The following SKOR1 variants were observed in gnomAD, a reference collection of about 807,000 sequenced individuals.
The protein encoded by SKOR1 is LBX1 corepressor 1.
In SKOR1, 38 loss-of-function variants were observed where a neutral mutation model predicts 72.4. That is an observed-to-expected ratio of 0.52 (90% CI 0.40 to 0.69). The LOEUF (loss-of-function observed/expected upper bound fraction) is 0.69. Among genes scored for constraint, SKOR1 ranks in the 30% least tolerant of loss-of-function variants. The probability of loss-of-function intolerance (pLI) is 0.00; values close to 1 mark genes in which losing one functional copy is unlikely to be tolerated. For missense variants in SKOR1, 1,320 were observed against 1,343.2 expected (o/e 0.98, Z 0.27); for synonymous variants, 642 against 599.4 (o/e 1.07, Z -1.04).
intron 4 of SKOR1, 135 bp from the exon 5 acceptor site, chr15:67,830,683 T>G (rs4776985): frequency 0.29 from 231,816 of 811,250 alleles, 40,540 homozygotes; most frequent in East Asian, 0.62. Flanking sequence ...AGTACTGGAT[T>G]CCTGTAACTG....
Position 67,826,567 on chromosome 15 carries a change from C to G in SKOR1, c.739C>G (p.Arg247Gly). The G allele has an allele frequency of 6.2e-7, 1 of 1,614,056 alleles. No individual in the cohort carries two copies. Among genetic ancestry groups the G allele is most frequent in the South Asian group, 1.1e-5 (1 of 91,088 alleles). ...PDAANFNSWR[R>G]HLKLSDKSAT... The stretch of plus-strand genomic sequence containing the variant: ...TGCCGCCAACTTCAACTCCTGGCGT[C>G]GTCACCTCAAACTCAGTGACAAGTC... The change falls in exon 2 of 9, where the codon CGT (arginine) becomes GGT (glycine). Residue 247 changes from arginine (R) to glycine (G), a missense_variant. Arg to Gly is a moderately radical substitution (Grantham distance 125). This residue lies in a region of SKOR1 where 101 missense variants were observed against 212.8 expected (regional missense o/e 0.47). Coordinates refer to ENST00000380035, the MANE Select transcript of SKOR1 (RefSeq NM_001365915.1).
At position 67,825,720 on chromosome 15, in the gene SKOR1, C is replaced by A; in HGVS notation, c.107+11C>A. On this transcript the variant is annotated intron_variant, in intron 1 of 8. Transcript: ENST00000380035. The surrounding 1 kb of genome is among the most constrained non-coding windows in gnomAD (Gnocchi z 5.6). ...CCGGGCATTCCTGAGGTCTCCTTTA[C>A]CCCTTCTCCTCCCCCAAGCCCCGGG... is the stretch of plus-strand genomic sequence containing the variant. The A allele has an allele frequency of 1.2e-6, 1 of 813,512 alleles. No homozygotes were observed. The highest frequency in any genetic ancestry group is 2.1e-6 in the Non-Finnish European group (1 of 472,226). 50.4% of individuals were successfully genotyped at this position (813,512 alleles called of 1,614,324 possible). A position where few individuals can be genotyped will look rare whatever the true frequency, so the allele number is the denominator to read the frequency against.
chr15:67,833,234 A>C lies in SKOR1; in HGVS notation c.2780A>C (p.Tyr927Ser), dbSNP rs1007183357. The change falls in exon 8 of 9, where the codon TAT (tyrosine) becomes TCT (serine). Residue 927 changes from tyrosine to serine, a missense_variant. Around this residue, in one of 3 missense-constraint regions of SKOR1, gnomAD observed 1,099 missense variants for 1,025.5 expected, o/e 1.07. Coordinates refer to ENST00000380035, the MANE Select transcript of SKOR1 (RefSeq NM_001365915.1). The surrounding 1 kb of genome is among the most constrained non-coding windows in gnomAD (Gnocchi z 6.0). The stretch of plus-strand genomic sequence containing the variant: ...CTCGACCAGGAGCGGAAGGCGCGCT[A>C]TGCCATCCAGCAGAAATTGAAAGGT... ...NELDQERKAR[Y>S]AIQQKLKEAH... 4.3e-6 allele frequency: 7 copies of C among 1,614,008 alleles called. No individual in the cohort carries two copies. Among genetic ancestry groups the C allele is most frequent in the Non-Finnish European group, 5.9e-6 (7 of 1,180,024 alleles).
rs762195467 is a variant in SKOR1, at chr15:67,826,392, G to A, written c.564G>A (p.Ala188=). 1.5e-5 allele frequency: 25 copies of A among 1,613,782 alleles called. No homozygotes were observed. The highest frequency in any genetic ancestry group is 2.0e-5 in the Non-Finnish European group (24 of 1,180,004). ...CCTTCGATGTGGTGCACGAGTGCGC[G>A]TGGGGCTCGCGTGGTAGCTTCATCC... ...NFAFDVVHEC[A]WGSRGSFIPA... Residue 188 remains alanine, a synonymous_variant, in exon 2 of 9, where the codon GCG becomes GCA. Coordinates refer to ENST00000380035, the MANE Select transcript of SKOR1 (RefSeq NM_001365915.1).
chr15:67,826,182 C>T lies in SKOR1; in HGVS notation c.354C>T (p.Asn118=). ...ACTACAGCTATAATGAGATCCACAA[C>T]CGCCGCGTGGCCCTGGGCATCACGT... ...LKNYSYNEIH[N]RRVALGITCV... is the part of the protein sequence containing the mutation. The change falls in exon 2 of 9, where the codon AAC becomes AAT. Residue 118 remains asparagine (N), a synonymous_variant. Coordinates refer to ENST00000380035, the MANE Select transcript of SKOR1 (RefSeq NM_001365915.1). 3 of 1,613,314 alleles carry T rather than the reference C, an allele frequency of 1.9e-6. No individual in the cohort carries two copies. Among genetic ancestry groups the T allele is most frequent in the South Asian group, 2.2e-5 (2 of 91,058 alleles).
rs1181380577 is a variant in SKOR1 at position 67,833,237 on chromosome 15, C to T, written c.2783C>T (p.Ala928Val). ...ELDQERKARY[A>V]IQQKLKEAHD... The stretch of plus-strand genomic sequence containing the variant: ...GACCAGGAGCGGAAGGCGCGCTATG[C>T]CATCCAGCAGAAATTGAAAGGTGCG... The change falls in exon 8 of 9, where the codon GCC becomes GTC. Residue 928 changes from alanine (A) to valine (V), a missense_variant. This residue lies in a region of SKOR1 where 1,099 missense variants were observed against 1,025.5 expected (regional missense o/e 1.07). Transcript: ENST00000380035. This position sits in a 1 kb window ranked among gnomAD's most constrained non-coding sequence, Gnocchi z 6.0. 6.2e-7 allele frequency: 1 copy of T among 1,614,062 alleles called. No individual in the cohort carries two copies. The highest frequency in any genetic ancestry group is 8.5e-7 in the Non-Finnish European group (1 of 1,180,008).
chr15:67,826,373 A>T lies in SKOR1; in HGVS notation c.545A>T (p.Asp182Val). The T allele has an allele frequency of 6.2e-7, 1 of 1,613,792 alleles. No homozygotes were observed. The change falls in exon 2 of 9, where the codon GAT becomes GTT. Residue 182 changes from aspartate to valine, a missense_variant. By Grantham distance (152) the Asp-to-Val change is radical. This residue lies in a region of SKOR1 where 101 missense variants were observed against 212.8 expected (regional missense o/e 0.47). Transcript: ENST00000380035. ...AAGCTGCCCGAGAACTTCGCCTTCG[A>T]TGTGGTGCACGAGTGCGCGTGGGGC... ...PPKLPENFAF[D>V]VVHECAWGSR...
chr15:67,833,792 C>T lies in SKOR1; in HGVS notation c.2854C>T (p.His952Tyr). ...CTCCTGCAAGATGCTGACGCCCCGC[C>T]ACTGCACTGGCAACTGCTCCTTCAA... The part of the protein sequence containing the change: ...HFSCKMLTPR[H>Y]CTGNCSFKPP... The change falls in exon 9 of 9, where the codon CAC (histidine) becomes TAC (tyrosine). Residue 952 changes from histidine (H) to tyrosine (Y), a missense_variant. This residue lies in a region of SKOR1 where 1,099 missense variants were observed against 1,025.5 expected (regional missense o/e 1.07). Coordinates refer to ENST00000380035, the MANE Select transcript of SKOR1 (RefSeq NM_001365915.1). The surrounding 1 kb of genome is among the most constrained non-coding windows in gnomAD (Gnocchi z 6.0). 3 of 1,613,122 alleles carry T rather than the reference C, an allele frequency of 1.9e-6. No homozygotes were observed. Among genetic ancestry groups the T allele is most frequent in the Non-Finnish European group, 2.5e-6 (3 of 1,180,038 alleles).
At position 67,832,510 on chromosome 15, in the gene SKOR1, A is replaced by ATCCC. The variant is rs957445202; in HGVS notation, c.2663-97_2663-96insTCCC. 15 of 1,243,468 alleles carry ATCCC rather than the reference A, an allele frequency of 1.2e-5. No homozygotes were observed. Among genetic ancestry groups the ATCCC allele is most frequent in the Middle Eastern group, 2.0e-4 (1 of 4,906 alleles). 77.0% of individuals were successfully genotyped at this position (1,243,468 alleles called of 1,614,324 possible). On this transcript the variant is annotated intron_variant, in intron 6 of 8. Coordinates refer to ENST00000380035, the MANE Select transcript of SKOR1 (RefSeq NM_001365915.1). This position sits in a 1 kb window ranked among gnomAD's most constrained non-coding sequence, Gnocchi z 4.5. ...GGCTGCAGGCGAATGGCTGGGTGGG[A>ATCCC]GTTGGGGGTAGGGGTGAAAGGGGGG...
intron 2 of SKOR1, among the ~76,000 whole-genome samples, chr15:67,828,511 C>T (rs931141418): frequency 6.6e-6 from 1 of 152,212 alleles, no homozygotes; most frequent in Admixed American, 6.5e-5. Flanking sequence ...AAAGCGCTCG[C>T]CCGGGTGGGC....
Position 67,833,061 on chromosome 15 carries a change from C to T in SKOR1, c.2738-131C>T. ...AGTCTGCAGTTAGGAGCTCCGGTACCCCCTCCCCCATCCCTGGAGTTGTTT... is the reference window on the plus strand; with the variant it reads ...AGTCTGCAGTTAGGAGCTCCGGTACTCCCTCCCCCATCCCTGGAGTTGTTT... On this transcript the variant is annotated intron_variant, in intron 7 of 8. Coordinates refer to ENST00000380035, the MANE Select transcript of SKOR1 (RefSeq NM_001365915.1). This position sits in a 1 kb window ranked among gnomAD's most constrained non-coding sequence, Gnocchi z 6.0. The T allele has an allele frequency of 2.2e-6, 2 of 899,306 alleles. No homozygotes were observed. Among genetic ancestry groups the T allele is most frequent in the Non-Finnish European group, 3.5e-6 (2 of 564,844 alleles). 55.7% of individuals were successfully genotyped at this position (899,306 alleles called of 1,614,324 possible).
rs751655066 is a variant in SKOR1, at chr15:67,826,539, C to G, written c.711C>G (p.Pro237=). The G allele has an allele frequency of 6.8e-6, 11 of 1,613,840 alleles. No homozygotes were observed. Among genetic ancestry groups the G allele is most frequent in the African/African-American group, 2.7e-5 (2 of 74,948 alleles). The change falls in exon 2 of 9, where the codon CCC becomes CCG. Residue 237 remains proline (P), a synonymous_variant. Coordinates refer to ENST00000380035, the MANE Select transcript of SKOR1 (RefSeq NM_001365915.1). The stretch of plus-strand genomic sequence containing the variant: ...CACCCGACGCCAAGTACACGCAGCC[C>G]GATGCCGCCAACTTCAACTCCTGGC... ...HRTPDAKYTQ[P]DAANFNSWRR...
Position 67,826,740 on chromosome 15 carries a change from C to A in SKOR1, c.912C>A (p.Gly304=), listed in dbSNP as rs540825725. The A allele has an allele frequency of 3.3e-6, 5 of 1,536,640 alleles. No homozygotes were observed. The highest frequency in any genetic ancestry group is 3.5e-6 in the Non-Finnish European group (4 of 1,145,736). The change falls in exon 2 of 9, where the codon GGC becomes GGA. Residue 304 remains glycine, a synonymous_variant. Transcript: ENST00000380035. ...GGCAGGGGAAGGGTGGTGCTGGCGG[C>A]GGTGGCGGCGGTGGCCCAGGGTGCG... ...SGGQGKGGAG[G]GGGGGPGCGA... is the part of the protein sequence containing the mutation.
rs1407765894 is a variant in SKOR1 at position 67,830,258 on chromosome 15, A to T, written c.2475A>T (p.Gln825His). 6.2e-7 allele frequency: 1 copy of T among 1,614,016 alleles called. No homozygotes were observed. Among genetic ancestry groups the T allele is most frequent in the African/African-American group, 1.3e-5 (1 of 74,920 alleles). The change falls in exon 4 of 9, where the codon CAA becomes CAT. Residue 825 changes from glutamine to histidine, a missense_variant. Coordinates refer to ENST00000380035, the MANE Select transcript of SKOR1 (RefSeq NM_001365915.1). ...DLETRKSYPD[Q>H]RSISQPSPAN... ...AAACGAGGAAATCCTATCCAGACCA[A>T]AGGAGTATCTCCCAGCCAAGTCCTG...
chr15:67,826,985 A>C lies in SKOR1; in HGVS notation c.1157A>C (p.Gln386Pro). Residue 386 changes from glutamine to proline, a missense_variant, in exon 2 of 9, where the codon CAA becomes CCA. By Grantham distance (76) the Gln-to-Pro change is moderately conservative. Transcript: ENST00000380035. The stretch of plus-strand genomic sequence containing the variant: ...CCCAGCAAAGGCTTTGGGCTCCTGC[A>C]AAAGCTGCCCCCACCACTTTTCCCC... Reference protein sequence around the residue: ...PVPSKGFGLLQKLPPPLFPHP... With the variant: ...PVPSKGFGLLPKLPPPLFPHP... 6.3e-7 allele frequency: 1 copy of C among 1,596,178 alleles called. No homozygotes were observed. Among genetic ancestry groups the C allele is most frequent in the East Asian group, 2.2e-5 (1 of 44,676 alleles).
chr15:67,833,859 C>T lies in SKOR1; in HGVS notation c.*23C>T. On this transcript the variant is annotated 3_prime_UTR_variant, in exon 9 of 9. Coordinates refer to ENST00000380035, the MANE Select transcript of SKOR1 (RefSeq NM_001365915.1). This position sits in a 1 kb window ranked among gnomAD's most constrained non-coding sequence, Gnocchi z 6.0. The stretch of plus-strand genomic sequence containing the variant: ...TAGGGCCGGCCTGGCCGCACCCCTG[C>T]GCCCTCAAGCCATGCTGCTCCTTGT... The T allele has an allele frequency of 6.2e-7, 1 of 1,600,186 alleles. No individual in the cohort carries two copies. The highest frequency in any genetic ancestry group is 8.5e-7 in the Non-Finnish European group (1 of 1,175,734).
chr15:67,828,000 G>A lies in SKOR1; in HGVS notation c.2172G>A (p.Gly724=), dbSNP rs1436526731. 2.6e-6 allele frequency: 4 copies of A among 1,539,184 alleles called. No homozygotes were observed. Among genetic ancestry groups the A allele is most frequent in the African/African-American group, 1.4e-5 (1 of 72,408 alleles). The stretch of plus-strand genomic sequence containing the variant: ...GCCCCCGCCCCCGGCGCCGCCTCGG[G>A]CCACCCCCAGCTGGCCGGCCCGCAT... ...GGSPRPRRRL[G]PPPAGRPAFG... The change falls in exon 2 of 9, where the codon GGG becomes GGA. Residue 724 remains glycine, a synonymous_variant. Transcript: ENST00000380035.
In SKOR1 at chr15:67,829,216, C is replaced by A. The variant is rs758942082; in HGVS notation, c.2354C>A (p.Ala785Glu). The change falls in exon 3 of 9, where the codon GCG (alanine) becomes GAG (glutamate). Residue 785 changes from alanine (A) to glutamate (E), a missense_variant. Around this residue, in one of 3 missense-constraint regions of SKOR1, gnomAD observed 1,099 missense variants for 1,025.5 expected, o/e 1.07. Transcript: ENST00000380035. Reference protein sequence around the residue: ...APERDEHVKSAAVALGPAASY... With the variant: ...APERDEHVKSEAVALGPAASY... ...GAGAGGGATGAGCACGTGAAGAGCGCGGCGGTGGCGCTGGGGCCCGCGGCC... is the reference window on the plus strand; with the variant it reads ...GAGAGGGATGAGCACGTGAAGAGCGAGGCGGTGGCGCTGGGGCCCGCGGCC... 5.1e-6 allele frequency: 8 copies of A among 1,576,120 alleles called. No individual in the cohort carries two copies. The highest frequency in any genetic ancestry group is 6.8e-6 in the Non-Finnish European group (8 of 1,168,518).
At position 67,827,710 on chromosome 15, in the gene SKOR1, G is replaced by C. The variant is rs563015397; in HGVS notation, c.1882G>C (p.Ala628Pro). The change falls in exon 2 of 9, where the codon GCT becomes CCT. Residue 628 changes from alanine to proline, a missense_variant. Coordinates refer to ENST00000380035, the MANE Select transcript of SKOR1 (RefSeq NM_001365915.1). The part of the protein sequence containing the change: ...AGPARGPGPG[A>P]GSGGYVSPDF... ...GCCTGCTCGGGGGCCGGGACCCGGC[G>C]CTGGGAGCGGCGGCTACGTGAGCCC... is the stretch of plus-strand genomic sequence containing the variant. 2.6e-5 allele frequency: 40 copies of C among 1,541,366 alleles called. No individual in the cohort carries two copies. Among genetic ancestry groups the C allele is most frequent in the Non-Finnish European group, 3.5e-5 (40 of 1,142,950 alleles).
Sources: allele counts gnomAD v4.1 joint callset (sites outside exome capture counted in the v4.1 genomes callset), GRCh38; gene constraint gnomAD v4.1.1; regional missense constraint gnomAD v4.1.1; non-coding constraint Gnocchi (gnomAD v3.1); transcripts MANE v1.5; gene names NCBI Gene and HGNC (gene_info 2026-07-23, HGNC 2026-07-21).